Variants in NXN observed in about 807,000 individuals in gnomAD.
NXN encodes nucleoredoxin 1.
In NXN, 16 loss-of-function variants were observed where a neutral mutation model predicts 48.6. The observed-to-expected ratio is 0.33, with a 90% CI of 0.22 to 0.50. The LOEUF (loss-of-function observed/expected upper bound fraction) is 0.50. Ranked by LOEUF, NXN falls within the 20% of genes least tolerant of loss-of-function variation. The pLI is 0.98. For missense variants in NXN, 492 were observed against 605.5 expected (o/e 0.81, Z 1.97); for synonymous variants, 281 against 269.6 (o/e 1.04, Z -0.41).
chr17:861,290 T>G (rs1002010363), intron 1 of NXN, among the ~76,000 whole-genome samples: 1 of 152,168 alleles, frequency 6.6e-6, no homozygotes, highest in Non-Finnish European at 1.5e-5. Context: ...AGTGCCACTA[T>G]GCTCGGCTAA....
chr17:880,339 C>T (rs2068269967), intron 1 of NXN, among the ~76,000 whole-genome samples: 1 of 152,016 alleles, frequency 6.6e-6, no homozygotes, highest in Non-Finnish European at 1.5e-5. Flanking sequence ...GATTAACAAC[C>T]AGGGCTGGGG....
At chr17:868,089 A>G (rs1226637744) in intron 1 of NXN, among the ~76,000 whole-genome samples, 2 of 152,136 alleles carry the variant, frequency 1.3e-5, no homozygotes, top group African/African-American at 4.8e-5. Context: ...CCCATGGGTC[A>G]TCTCCTAGCT....
At chr17:876,695 A>C (rs931266252) in intron 1 of NXN, among the ~76,000 whole-genome samples, 2 of 152,170 alleles carry the variant, frequency 1.3e-5, no homozygotes, top group African/African-American at 2.4e-5. Flanking sequence ...TTTATACGGG[A>C]AACTCCTTGT....
In NXN at chr17:920,444, T is replaced by G. The variant is rs1368570683; in HGVS notation, c.360+58875A>C. Among the ~76,000 whole-genome samples the G allele has an allele frequency of 6.6e-6, 1 of 152,054 alleles. No individual in the cohort carries two copies. The highest frequency in any genetic ancestry group is 1.5e-5 in the Non-Finnish European group (1 of 68,002). On this transcript the variant is annotated intron_variant, in intron 1 of 7. Transcript: ENST00000336868. The surrounding 1 kb of genome is among the most constrained non-coding windows in gnomAD (Gnocchi z 4.6). ...TAGCCTTGGGGATGCCGAGCCTGCC[T>G]GATCCCAATTCCTCCAGCGTTCTCC...
chr17:833,477 A>T (rs1187068543), intron 1 of NXN, among the ~76,000 whole-genome samples: 1 of 152,068 alleles, frequency 6.6e-6, no homozygotes, highest in Admixed American at 6.6e-5. Flanking sequence ...AGCAAGATTC[A>T]CCTCTGCACC....
At chr17:963,564 T>C (rs1567522271) in intron 1 of NXN, among the ~76,000 whole-genome samples, 4 of 151,968 alleles carry the variant, frequency 2.6e-5, no homozygotes. Flanking sequence ...ATCGCACCAC[T>C]GCACTCCACC....
chr17:959,811 G>A (rs1006489364), intron 1 of NXN, among the ~76,000 whole-genome samples: 3 of 148,608 alleles, frequency 2.0e-5, no homozygotes, highest in Non-Finnish European at 4.5e-5. Context: ...AAAAAAACAG[G>A]GCTGGGTGTG....
chr17:812,769 TGTA>T (rs752791185), intron 5 of NXN, among the ~76,000 whole-genome samples: 4 of 145,098 alleles, frequency 2.8e-5, no homozygotes, highest in Admixed American at 6.9e-5. Context: ...TATGTGTGAG[TGTA>T]GGTGTGTGCA....
At chr17:963,606 A>G (rs963681770) in intron 1 of NXN, among the ~76,000 whole-genome samples, 4 of 152,072 alleles carry the variant, frequency 2.6e-5, no homozygotes, top group Admixed American at 2.6e-4. Flanking sequence ...TGTCTCAGGG[A>G]AAAAAGGACA....
chr17:864,106 A>C, intron 1 of NXN: 1 of 1,468,302 alleles, frequency 6.8e-7, no homozygotes, highest in Non-Finnish European at 9.0e-7. Context: ...GTGAAGGGGC[A>C]CGTTTACCGT....
intron 1 of NXN, chr17:907,827 G>A (rs2068595757): frequency 6.6e-6 from 1 of 152,142 alleles, no homozygotes; most frequent in South Asian, 2.1e-4. Flanking sequence ...GAAAACAAGG[G>A]AGGTGGGTTC....
At chr17:912,941 G>A (rs926099323) in intron 1 of NXN, among the ~76,000 whole-genome samples, 2 of 151,990 alleles carry the variant, frequency 1.3e-5, no homozygotes, top group Middle Eastern at 3.4e-3. Flanking sequence ...GCGACAGAGT[G>A]AAACAAGGAA....
chr17:922,024 C>T (rs1004156940), intron 1 of NXN, among the ~76,000 whole-genome samples: 1 of 152,232 alleles, frequency 6.6e-6, no homozygotes, highest in African/African-American at 2.4e-5. Flanking sequence ...CAGCTCCCCA[C>T]ATCAACCCTT....
intron 1 of NXN, among the ~76,000 whole-genome samples, chr17:938,459 A>C (rs1334394509): frequency 6.6e-6 from 1 of 151,016 alleles, no homozygotes; most frequent in Non-Finnish European, 1.5e-5. Flanking sequence ...AGGCAGGCGG[A>C]TCACGAGGTC....
At chr17:812,648 ATG>A (rs1056551605) in intron 5 of NXN, among the ~76,000 whole-genome samples, 20 of 123,386 alleles carry the variant, frequency 1.6e-4, no homozygotes, top group South Asian at 1.6e-3. Context: ...GTGAGTGTGC[ATG>A]TGTGTGACTG....
intron 1 of NXN, among the ~76,000 whole-genome samples, chr17:850,871 G>A (rs1192548188): frequency 2.0e-5 from 3 of 152,170 alleles, no homozygotes; most frequent in Non-Finnish European, 2.9e-5. Flanking sequence ...TCCAGATGCC[G>A]CCAGTGCCAC....
chr17:897,680 T>C (rs1178281278), intron 1 of NXN, among the ~76,000 whole-genome samples: 6 of 129,214 alleles, frequency 4.6e-5, no homozygotes. Flanking sequence ...TTGTTTTTCT[T>C]TTATTCTTTT....
chr17:851,855 G>GC (rs2067926477), intron 1 of NXN, among the ~76,000 whole-genome samples: 2 of 152,342 alleles, frequency 1.3e-5, no homozygotes, highest in South Asian at 4.1e-4. Context: ...GATCTGTCTC[G>GC]CGTTGCCTGC....
chr17:840,314 G>A (rs377487734), intron 1 of NXN, among the ~76,000 whole-genome samples: 1 of 152,110 alleles, frequency 6.6e-6, no homozygotes, highest in South Asian at 2.1e-4. Flanking sequence ...GGAAATGCCG[G>A]TTACTCTCAG....
Sources: allele counts gnomAD v4.1 joint callset (sites outside exome capture counted in the v4.1 genomes callset), GRCh38; gene constraint gnomAD v4.1.1; non-coding constraint Gnocchi (gnomAD v3.1); transcripts MANE v1.5; gene names NCBI Gene and HGNC (gene_info 2026-07-23, HGNC 2026-07-21).